Variants in SERPINE3 observed in about 807,000 individuals in gnomAD.
SERPINE3 encodes the protein serpin family E member 3.
A neutral mutation model predicts 41.7 loss-of-function variants in SERPINE3; 43 were observed. That is an observed-to-expected ratio of 1.03 (90% CI 0.81 to 1.33). The LOEUF (loss-of-function observed/expected upper bound fraction) is 1.33, where lower values mean the gene tolerates loss of function less well. Among genes scored for constraint, SERPINE3 ranks in the 40% most tolerant of loss-of-function variants. The probability of loss-of-function intolerance (pLI) is 0.00; values close to 1 mark genes in which losing one functional copy is unlikely to be tolerated. For synonymous variants in SERPINE3, 200 were observed against 192.2 expected (o/e 1.04, Z -0.34); for missense variants, 440 against 491.7 (o/e 0.89, Z 0.99).
At chr13:51,347,287 G>C in intron 5 of SERPINE3, 53 bp downstream of exon 5, 1 of 1,517,378 alleles carries the variant, frequency 6.6e-7, no homozygotes. Flanking sequence ...CTGGGCCTGA[G>C]GGCAGGAGAG....
chr13:51,345,218 C>T (rs749786524), intron 4 of SERPINE3, among the ~76,000 whole-genome samples: 1 of 152,186 alleles, frequency 6.6e-6, no homozygotes, highest in African/African-American at 2.4e-5. Context: ...GAAGGCTCAG[C>T]CTCCTGCCCA....
At chr13:51,343,925 A>G (rs1385213148) in intron 3 of SERPINE3, among the ~76,000 whole-genome samples, 1 of 152,176 alleles carries the variant, frequency 6.6e-6, no homozygotes, top group Admixed American at 6.5e-5. Context: ...ACTCCAACAC[A>G]CATCAACCTT....
chr13:51,364,331 T>C lies in SERPINE3; in HGVS notation c.*49T>C. The C allele has an allele frequency of 1.8e-6, 2 of 1,101,082 alleles. No individual in the cohort carries two copies. The highest frequency in any genetic ancestry group is 2.6e-6 in the Non-Finnish European group (2 of 774,374). 68.2% of individuals were successfully genotyped at this position (1,101,082 alleles called of 1,614,324 possible). On this transcript the variant is annotated 3_prime_UTR_variant, in exon 10 of 10. Coordinates refer to ENST00000681248, the MANE Select transcript of SERPINE3 (RefSeq NM_001386375.1). ...ATGCTTTTCTTCATAAAGTTATAAT[T>C]TCATTTTGCTATACCCTTGAAATTT... is the stretch of plus-strand genomic sequence containing the variant.
At chr13:51,344,789 A>G (rs1955330007) in intron 4 of SERPINE3, among the ~76,000 whole-genome samples, 1 of 152,186 alleles carries the variant, frequency 6.6e-6, no homozygotes, top group Non-Finnish European at 1.5e-5. Context: ...AGGACCCCAC[A>G]GGCTTTCTCC....
chr13:51,361,312 C>G lies in SERPINE3; in HGVS notation c.1035C>G (p.His345Gln). Residue 345 changes from histidine to glutamine, a missense_variant, in exon 8 of 10, where the codon CAC becomes CAG. By Grantham distance (24) the His-to-Gln change is conservative. Coordinates refer to ENST00000681248, the MANE Select transcript of SERPINE3 (RefSeq NM_001386375.1). ...QDGFYVSEAIHKAKIEVLEEG... is the reference protein window; with the variant it reads ...QDGFYVSEAIQKAKIEVLEEG... Reference sequence around the variant, plus strand: ...GCTTTTATGTTTCTGAAGCAATCCACAAGGCCAAGATTGAAGTTTTGGAGG... The same window carrying G: ...GCTTTTATGTTTCTGAAGCAATCCAGAAGGCCAAGATTGAAGTTTTGGAGG... The G allele has an allele frequency of 6.2e-7, 1 of 1,610,246 alleles. No individual in the cohort carries two copies. The highest frequency in any genetic ancestry group is 1.3e-5 in the African/African-American group (1 of 74,836).
At chr13:51,346,141 AGT>A (rs1185442031) in intron 4 of SERPINE3, among the ~76,000 whole-genome samples, 1 of 152,228 alleles carries the variant, frequency 6.6e-6, no homozygotes, top group Non-Finnish European at 1.5e-5. Flanking sequence ...CCTATCACAA[AGT>A]GTGTGCATAT....
chr13:51,349,249 C>A (rs1316546447), intron 6 of SERPINE3, among the ~76,000 whole-genome samples: 5 of 152,132 alleles, frequency 3.3e-5, no homozygotes, highest in Non-Finnish European at 7.4e-5. Context: ...GGCAGTACTC[C>A]CTTGAGGAGT....
intron 5 of SERPINE3, 110 bp downstream of exon 5, chr13:51,347,344 G>A: frequency 1.1e-6 from 1 of 919,114 alleles, no homozygotes. Context: ...TGTTTCCGCA[G>A]GGTCCATCTG....
rs1015080382 is a variant in SERPINE3 at position 51,344,249 on chromosome 13, C to T, written c.257-3C>T. The T allele has an allele frequency of 1.2e-6, 2 of 1,612,254 alleles. No homozygotes were observed. Among genetic ancestry groups the T allele is most frequent in the Non-Finnish European group, 1.7e-6 (2 of 1,178,564 alleles). On this transcript the variant is annotated splice_region_variant and splice_polypyrimidine_tract_variant and intron_variant, in intron 3 of 9. Transcript: ENST00000681248. ...TCAACTTATCCCAACTTGTTTTTCACAGACAAAAGGGTGAAAGATTTCTTG... is the reference window on the plus strand; with the variant it reads ...TCAACTTATCCCAACTTGTTTTTCATAGACAAAAGGGTGAAAGATTTCTTG...
chr13:51,339,859 G>A (rs1030303376), intron 1 of SERPINE3, 116 bp downstream of exon 1: 1 of 152,120 alleles, frequency 6.6e-6, no homozygotes, highest in Non-Finnish European at 1.5e-5. Context: ...GGTTATAAGA[G>A]CTGTGAGAAC....
At chr13:51,361,145 C>T (rs949764438) in intron 7 of SERPINE3, 133 bp from the exon 8 acceptor site, 23 of 556,640 alleles carry the variant, frequency 4.1e-5, no homozygotes, top group Middle Eastern at 4.0e-4. Flanking sequence ...GAATTTTCCA[C>T]TCTTTCCCTA....
chr13:51,362,885 T>G (rs1397522558), intron 9 of SERPINE3: 2 of 152,368 alleles, frequency 1.3e-5, no homozygotes, highest in African/African-American at 2.4e-5. Context: ...TATTTGGGAT[T>G]ATTTGGAGAG....
At chr13:51,344,110 A>G in intron 3 of SERPINE3, 142 bp from the exon 4 acceptor site, 2 of 657,832 alleles carry the variant, frequency 3.0e-6, no homozygotes, top group Non-Finnish European at 2.7e-6. Flanking sequence ...GACTTTTTCA[A>G]ACTGGCTTTG....
intron 4 of SERPINE3, among the ~76,000 whole-genome samples, chr13:51,345,104 G>T (rs575857808): frequency 6.6e-6 from 1 of 152,090 alleles, no homozygotes; most frequent in Non-Finnish European, 1.5e-5. Context: ...AGTTTATTTA[G>T]TTAGCACTGC....
rs779103834 is a variant in SERPINE3, at chr13:51,341,311, C to G, written c.220C>G (p.Gln74Glu). 6.2e-7 allele frequency: 1 copy of G among 1,610,332 alleles called. No homozygotes were observed. Among genetic ancestry groups the G allele is most frequent in the Admixed American group, 1.7e-5 (1 of 59,426 alleles). The change falls in exon 3 of 10, where the codon CAG becomes GAG. Residue 74 changes from glutamine (Q) to glutamate (E), a missense_variant. Gln to Glu is a conservative substitution (Grantham distance 29, BLOSUM62 2). Coordinates refer to ENST00000681248, the MANE Select transcript of SERPINE3 (RefSeq NM_001386375.1). ...LQFGAEGSTG[Q>E]QLADALGYTV... ...GTTTGGAGCAGAAGGGAGCACTGGT[C>G]AGCAGCTGGCAGATGCCCTGGGGTA... is the stretch of plus-strand genomic sequence containing the variant.
intron 6 of SERPINE3, 23 bp from the exon 7 acceptor site, chr13:51,355,020 G>C (rs570190494): frequency 2.5e-6 from 3 of 1,208,898 alleles, no homozygotes; most frequent in Non-Finnish European, 3.6e-6. Context: ...TTTGAAAGTT[G>C]ATGGTTTGTT....
chr13:51,362,393 C>A (rs1955598768), intron 9 of SERPINE3: 1 of 163,650 alleles, frequency 6.1e-6, no homozygotes, highest in African/African-American at 2.4e-5. Flanking sequence ...ACTTTTAAGT[C>A]CTACTACATA....
chr13:51,348,307 C>A lies in SERPINE3; in HGVS notation c.795C>A (p.Asp265Glu), dbSNP rs1955371154. Residue 265 changes from aspartate (D) to glutamate (E), a missense_variant, in exon 6 of 10, where the codon GAC (aspartate) becomes GAA (glutamate). Asp to Glu is a conservative substitution (Grantham distance 45). Coordinates refer to ENST00000681248, the MANE Select transcript of SERPINE3 (RefSeq NM_001386375.1). Reference protein sequence around the residue: ...AVSLFLVLPRDKDTPLSHIEP... With the variant: ...AVSLFLVLPREKDTPLSHIEP... Reference sequence around the variant, plus strand: ...GTCTGTTCCTGGTGCTGCCCCGTGACAAAGACACCCCCCTGAGCCACATCG... The same window carrying A: ...GTCTGTTCCTGGTGCTGCCCCGTGAAAAAGACACCCCCCTGAGCCACATCG... The A allele has an allele frequency of 1.2e-6, 2 of 1,613,492 alleles. No homozygotes were observed. The highest frequency in any genetic ancestry group is 1.1e-5 in the South Asian group (1 of 90,920).
At chr13:51,355,408 ACCCT>A (rs1359424193) in intron 7 of SERPINE3, among the ~76,000 whole-genome samples, 1 of 151,804 alleles carries the variant, frequency 6.6e-6, no homozygotes, top group Non-Finnish European at 1.5e-5. Context: ...CAGTAAACAG[ACCCT>A]CCCTCTAACC....
Sources: gnomAD v4.1 joint callset for allele counts (sites outside exome capture counted in the v4.1 genomes callset) on GRCh38, gnomAD v4.1.1 for gene constraint, MANE v1.5 for transcripts, NCBI Gene and HGNC (gene_info 2026-07-23, HGNC 2026-07-21) for gene names.